The following BRI3BP variants were observed in gnomAD, a reference collection of about 807,000 sequenced individuals.
The protein encoded by BRI3BP is BRI3-binding protein.
BRI3BP carries 7 observed loss-of-function variants against 15.8 expected under a neutral mutation model. The observed-to-expected ratio is 0.44, with a 90% CI of 0.25 to 0.83. The LOEUF (loss-of-function observed/expected upper bound fraction) is 0.83, where lower values mean the gene tolerates loss of function less well. Ranked by LOEUF, BRI3BP falls within the 40% of genes least tolerant of loss-of-function variation. The pLI is 0.20. For synonymous variants in BRI3BP, 192 were observed against 163.5 expected, an observed-to-expected ratio of 1.17 and a Z score of -1.33; for missense variants, 320 against 339.3, an observed-to-expected ratio of 0.94 and a Z score of 0.45.
the BRI3BP span, among the ~76,000 whole-genome samples, chr12:125,051,099 G>A: frequency 6.6e-6 from 1 of 152,222 alleles, no homozygotes. Flanking sequence ...GCAGAGCATA[G>A]CAAGCTTCAG....
chr12:125,037,588 G>C, the BRI3BP span, among the ~76,000 whole-genome samples: 8 of 151,748 alleles, frequency 5.3e-5, no homozygotes, highest in Admixed American at 4.6e-4. Context: ...AAGGCGGGCA[G>C]ATCACGAGGC....
chr12:124,996,994 C>T (rs1030211817), intron 1 of BRI3BP, among the ~76,000 whole-genome samples: 3 of 151,030 alleles, frequency 2.0e-5, no homozygotes, highest in African/African-American at 4.9e-5. Context: ...CTCCTGACCT[C>T]GTAATCCGCC....
At chr12:125,048,578 A>C in the BRI3BP span, among the ~76,000 whole-genome samples, 1 of 152,074 alleles carries the variant, frequency 6.6e-6, no homozygotes, top group Non-Finnish European at 1.5e-5. Context: ...GAGGGATAGC[A>C]TTAGGAGATA....
In BRI3BP at chr12:125,013,640, G is replaced by A. The variant is rs143955100; in HGVS notation, c.316+1004G>A. On this transcript the variant is annotated intron_variant, in intron 2 of 2. Transcript: ENST00000341446. Reference sequence around the variant, plus strand: ...CTCTCCAGCTTCTGCCATCCAGGAAGGCAGCCTGGGAGCAGGTGTCACCTG... The same window carrying A: ...CTCTCCAGCTTCTGCCATCCAGGAAAGCAGCCTGGGAGCAGGTGTCACCTG... 5.4e-3 allele frequency among the ~76,000 whole-genome samples: 830 copies of A among 152,298 alleles called. 6 individuals are homozygous for A. Among genetic ancestry groups the A allele is most frequent in the Non-Finnish European group, 5.0e-3 (339 of 68,018 alleles).
chr12:125,013,022 T>C (rs1318810283), intron 2 of BRI3BP, among the ~76,000 whole-genome samples: 3 of 152,136 alleles, frequency 2.0e-5, no homozygotes, highest in Non-Finnish European at 4.4e-5. Context: ...AATTCGAGGC[T>C]GCAGTGAGCT....
At chr12:125,001,770 T>G (rs1302530314) in intron 1 of BRI3BP, among the ~76,000 whole-genome samples, 1 of 152,104 alleles carries the variant, frequency 6.6e-6, no homozygotes, top group Non-Finnish European at 1.5e-5. Flanking sequence ...ATACAGTTTA[T>G]TCATTGAAAG....
chr12:125,006,254 C>T (rs1955143009), intron 1 of BRI3BP, among the ~76,000 whole-genome samples: 2 of 152,126 alleles, frequency 1.3e-5, no homozygotes, highest in Admixed American at 6.6e-5. Context: ...CCTTAGGGCT[C>T]CTGTGTCTCC....
chr12:125,036,206 A>AGTGTGTGTAGTGG (rs1955439357), downstream of BRI3BP, among the ~76,000 whole-genome samples: 1 of 152,152 alleles, frequency 6.6e-6, no homozygotes, highest in African/African-American at 2.4e-5. Context: ...CTGGGATTAC[A>AGTGTGTGTAGTGG]GACACACACC....
At chr12:125,037,811 CAAAA>C in the BRI3BP span, among the ~76,000 whole-genome samples, 2 of 80,196 alleles carry the variant, frequency 2.5e-5, no homozygotes, top group Non-Finnish European at 5.2e-5. Flanking sequence ...GACTCTGTCT[CAAAA>C]AAAAAAAAAA....
At chr12:125,001,790 T>C (rs916425218) in intron 1 of BRI3BP, among the ~76,000 whole-genome samples, 1 of 152,198 alleles carries the variant, frequency 6.6e-6, no homozygotes, top group Non-Finnish European at 1.5e-5. Flanking sequence ...GCTCAGCGGT[T>C]TGTAGTATAT....
At chr12:125,035,783 A>G (rs902886646), downstream of BRI3BP, among the ~76,000 whole-genome samples, 6 of 152,176 alleles carry the variant, frequency 3.9e-5, no homozygotes, top group African/African-American at 1.4e-4. Flanking sequence ...AACTGAAGCT[A>G]GCCATCTTTC....
chr12:125,001,566 G>A (rs528624999), intron 1 of BRI3BP, among the ~76,000 whole-genome samples: 20 of 151,594 alleles, frequency 1.3e-4, no homozygotes, highest in African/African-American at 4.4e-4. Context: ...ATTTCTCCTC[G>A]AAATCCCTGT....
At chr12:125,010,748 G>T (rs78403392) in intron 1 of BRI3BP, among the ~76,000 whole-genome samples, 20,751 of 151,816 alleles carry the variant, frequency 0.14, 1,524 homozygotes, top group Admixed American at 0.16. Context: ...TTGCACTCCA[G>T]CCTGGCGACA....
At chr12:125,024,264 C>T (rs559523025) in intron 2 of BRI3BP, among the ~76,000 whole-genome samples, 3 of 139,976 alleles carry the variant, frequency 2.1e-5, no homozygotes, top group Non-Finnish European at 4.7e-5. Context: ...TGAAACCCCC[C>T]CCCCTCCACT....
Position 125,025,051 on chromosome 12 carries a change from T to C in BRI3BP, c.377T>C (p.Leu126Pro). Residue 126 changes from leucine (L) to proline (P), a missense_variant, in exon 3 of 3, where the codon CTC becomes CCC. By Grantham distance (98) the Leu-to-Pro change is moderately conservative (BLOSUM62 -3). Transcript: ENST00000341446. ...ASVSSSPARA[L>P]LLVGVVLLAY... ...GTGTCCAGCAGCCCGGCCCGCGCGC[T>C]CCTGCTGGTCGGCGTCGTCCTCCTG... The C allele has an allele frequency of 6.2e-7, 1 of 1,613,426 alleles. No homozygotes were observed. Among genetic ancestry groups the C allele is most frequent in the Non-Finnish European group, 8.5e-7 (1 of 1,179,968 alleles).
At chr12:125,046,759 T>C in the BRI3BP span, among the ~76,000 whole-genome samples, 3 of 152,368 alleles carry the variant, frequency 2.0e-5, no homozygotes. Context: ...TGCGTGTTTT[T>C]ACATTTATTT....
chr12:125,039,665 A>G, the BRI3BP span, among the ~76,000 whole-genome samples: 15 of 140,566 alleles, frequency 1.1e-4, no homozygotes, highest in Non-Finnish European at 1.9e-4. Flanking sequence ...TTTTTTTTTT[A>G]AGTATAGAAA....
chr12:125,022,949 G>A (rs749520069), intron 2 of BRI3BP, among the ~76,000 whole-genome samples: 8 of 152,190 alleles, frequency 5.3e-5, no homozygotes, highest in Non-Finnish European at 1.0e-4. Context: ...TATGTAAATA[G>A]AGAATGCAAC....
chr12:125,003,121 C>T (rs1307436527), intron 1 of BRI3BP, among the ~76,000 whole-genome samples: 1 of 152,208 alleles, frequency 6.6e-6, no homozygotes, highest in Non-Finnish European at 1.5e-5. Context: ...TCTCCCGTCC[C>T]CTCTCCCTGG....
Sources: gnomAD v4.1 joint callset for allele counts (sites outside exome capture counted in the v4.1 genomes callset) on GRCh38, gnomAD v4.1.1 for gene constraint, MANE v1.5 for transcripts, NCBI Gene and HGNC (gene_info 2026-07-23, HGNC 2026-07-21) for gene names.